ADAMTSL1: variants seen among roughly 807,000 people sequenced by gnomAD.
ADAMTSL1 encodes ADAMTS-like protein 1.
In ADAMTSL1, 126 loss-of-function variants were observed where a neutral mutation model predicts 201.8. The ratio of observed to expected loss-of-function variants is 0.62; its 90% CI spans 0.54 to 0.72. The LOEUF (loss-of-function observed/expected upper bound fraction) is 0.72, where lower values mean the gene tolerates loss of function less well. Among genes scored for constraint, ADAMTSL1 ranks in the 30% least tolerant of loss-of-function variants. The pLI, the probability that ADAMTSL1 is intolerant of heterozygous loss-of-function variation, is 0.00. For synonymous variants in ADAMTSL1, 1,121 were observed against 903.4 expected, an observed-to-expected ratio of 1.24 and a Z score of -4.32; for missense variants, 2,679 against 2,277.8, an observed-to-expected ratio of 1.18 and a Z score of -3.59.
chr9:18,554,747 CA>C (rs1821005389), intron 3 of ADAMTSL1, among the ~76,000 whole-genome samples: 1 of 150,008 alleles, frequency 6.7e-6, no homozygotes, highest in South Asian at 2.1e-4. Flanking sequence ...AGGTTCACAG[CA>C]AAATTGAGCA....
intron 2 of ADAMTSL1, among the ~76,000 whole-genome samples, chr9:18,281,177 A>T (rs1394816611): frequency 6.6e-6 from 1 of 152,202 alleles, no homozygotes; most frequent in Non-Finnish European, 1.5e-5. Flanking sequence ...CAGATATAAT[A>T]AGCAAATGAT....
chr9:18,630,881 T>A (rs2132733509), intron 5 of ADAMTSL1, among the ~76,000 whole-genome samples: 1 of 152,258 alleles, frequency 6.6e-6, no homozygotes, highest in East Asian at 1.9e-4. Context: ...TTCTGATTCC[T>A]CATCTCCCTA....
At chr9:18,417,037 T>A (rs1563946294) in intron 2 of ADAMTSL1, among the ~76,000 whole-genome samples, 1 of 151,962 alleles carries the variant, frequency 6.6e-6, no homozygotes, top group Admixed American at 6.6e-5. Flanking sequence ...AACTTTTCAA[T>A]AAATGTAAAA....
intron 1 of ADAMTSL1, among the ~76,000 whole-genome samples, chr9:18,491,113 T>C (rs1278179897): frequency 6.6e-6 from 1 of 152,192 alleles, no homozygotes; most frequent in Non-Finnish European, 1.5e-5. Flanking sequence ...GTGAAATTGA[T>C]TTCTGAGGCC....
chr9:18,795,521 G>A lies in ADAMTSL1; in HGVS notation c.3802G>A (p.Ala1268Thr), dbSNP rs1346827732. The change falls in exon 20 of 29, where the codon GCA becomes ACA. Residue 1268 changes from alanine to threonine, a missense_variant. Coordinates refer to ENST00000380548, the MANE Select transcript of ADAMTSL1 (RefSeq NM_001040272.6). The stretch of plus-strand genomic sequence containing the variant: ...CTCTGTCTCCATTGCCGTCACATTA[G>A]CAGGTAACCCAAAAATCCCTGTTCT... ...YDSVSIAVTL[A>T]GKPLVKTSRM... The A allele has an allele frequency of 6.2e-7, 1 of 1,609,734 alleles. No homozygotes were observed. The highest frequency in any genetic ancestry group is 8.5e-7 in the Non-Finnish European group (1 of 1,177,786).
intron 13 of ADAMTSL1, among the ~76,000 whole-genome samples, chr9:18,705,081 A>T (rs1832155448): frequency 6.6e-6 from 1 of 152,208 alleles, no homozygotes; most frequent in African/African-American, 2.4e-5. Flanking sequence ...GGCCCAGGAC[A>T]CATCTTTGTT....
intron 7 of ADAMTSL1, among the ~76,000 whole-genome samples, chr9:18,657,127 G>C (rs1477839190): frequency 6.6e-6 from 1 of 152,176 alleles, no homozygotes; most frequent in African/African-American, 2.4e-5. Context: ...CATCTAGTTG[G>C]TAACTTCGCA....
At chr9:18,469,767 A>G (rs1489411714), upstream of ADAMTSL1, among the ~76,000 whole-genome samples, 1 of 152,248 alleles carries the variant, frequency 6.6e-6, no homozygotes, top group Non-Finnish European at 1.5e-5. Flanking sequence ...TTACAAGCAG[A>G]CAGAGCAAAG....
Position 18,776,642 on chromosome 9 carries a change from C to A in ADAMTSL1, c.2552-139C>A, listed in dbSNP as rs936377470. ...AAACCCCGAAGAATACTTTCTCTCC[C>A]GTCCTCCGGCACCTTCGTCTCTCCT... On this transcript the variant is annotated intron_variant, in intron 18 of 28. Transcript: ENST00000380548. 5.9e-6 allele frequency: 6 copies of A among 1,019,744 alleles called. No homozygotes were observed. The African/African-American group carries it at 8.2e-5, about 14-fold the overall frequency. 63.2% of individuals were successfully genotyped at this position (1,019,744 alleles called of 1,614,324 possible). A position where few individuals can be genotyped will look rare whatever the true frequency, so the allele number is the denominator to read the frequency against.
At chr9:18,272,659 A>G (rs879602124) in intron 2 of ADAMTSL1, among the ~76,000 whole-genome samples, 5 of 152,180 alleles carry the variant, frequency 3.3e-5, no homozygotes, top group Admixed American at 6.5e-5. Flanking sequence ...AAGAGAAGGC[A>G]CACATGTTTC....
At chr9:18,649,599 T>A (rs1348614241) in intron 7 of ADAMTSL1, among the ~76,000 whole-genome samples, 4 of 152,180 alleles carry the variant, frequency 2.6e-5, no homozygotes, top group African/African-American at 9.6e-5. Context: ...TTAGTTTTCC[T>A]TCTAACAGAC....
intron 1 of ADAMTSL1, among the ~76,000 whole-genome samples, chr9:17,965,217 AT>A (rs1257964187): frequency 2.6e-5 from 4 of 152,132 alleles, no homozygotes; most frequent in Non-Finnish European, 4.4e-5. Context: ...AAGAGTTTCA[AT>A]TTTTTTCCTA....
chr9:18,855,548 T>A (rs1826789062), intron 23 of ADAMTSL1, among the ~76,000 whole-genome samples: 1 of 152,204 alleles, frequency 6.6e-6, no homozygotes, highest in Admixed American at 6.5e-5. Flanking sequence ...TCTAGAAACA[T>A]AACCTAGTAA....
At position 18,706,758 on chromosome 9, in the gene ADAMTSL1, A is replaced by T. The variant is rs777419948; in HGVS notation, c.1586A>T (p.Glu529Val). 4 of 1,602,740 alleles carry T rather than the reference A, an allele frequency of 2.5e-6. No individual in the cohort carries two copies. In the East Asian group the frequency reaches 9.0e-5, roughly 36 times the overall value. ...CTTGCCGACTGCAGGTTCATCCCAGAGGCCTGGTCGGCCTGCACAGTCACC... is the reference window on the plus strand; with the variant it reads ...CTTGCCGACTGCAGGTTCATCCCAGTGGCCTGGTCGGCCTGCACAGTCACC... ...AVSEEPSFIP[E>V]AWSACTVTCG... Residue 529 changes from glutamate to valine, a missense_variant, in exon 14 of 29, where the codon GAG becomes GTG. Physicochemically the swap from Glu to Val is moderately radical, Grantham distance 121. Transcript: ENST00000380548.
intron 19 of ADAMTSL1, among the ~76,000 whole-genome samples, chr9:18,786,252 C>G (rs1158067938): frequency 6.6e-6 from 1 of 152,140 alleles, no homozygotes; most frequent in African/African-American, 2.4e-5. Flanking sequence ...AAGCCTGTTC[C>G]CTGTTTTCCT....
intron 2 of ADAMTSL1, among the ~76,000 whole-genome samples, chr9:18,375,585 C>T (rs1380331383): frequency 1.3e-5 from 2 of 152,154 alleles, no homozygotes; most frequent in Non-Finnish European, 2.9e-5. Context: ...GAGTTGGTTC[C>T]TTCCGGTGAG....
chr9:18,443,949 C>A (rs923984227), intron 2 of ADAMTSL1, among the ~76,000 whole-genome samples: 2 of 152,090 alleles, frequency 1.3e-5, no homozygotes, highest in Non-Finnish European at 2.9e-5. Context: ...GTATAAGTAC[C>A]TGTGATGGAG....
chr9:18,603,850 C>G (rs576263937), intron 4 of ADAMTSL1, among the ~76,000 whole-genome samples: 137 of 152,274 alleles, frequency 9.0e-4, no homozygotes, highest in African/African-American at 3.2e-3. Flanking sequence ...CAATAACTCC[C>G]TGTTAGAAAT....
intron 3 of ADAMTSL1, among the ~76,000 whole-genome samples, chr9:18,543,073 T>A (rs1820247223): frequency 6.6e-6 from 1 of 152,208 alleles, no homozygotes; most frequent in Non-Finnish European, 1.5e-5. Flanking sequence ...GCAACTATCA[T>A]GGCTTGGCTG....
Sources: gnomAD v4.1 joint callset for allele counts (sites outside exome capture counted in the v4.1 genomes callset) on GRCh38, gnomAD v4.1.1 for gene constraint, MANE v1.5 for transcripts, NCBI Gene and HGNC (gene_info 2026-07-23, HGNC 2026-07-21) for gene names.